The following AEBP2 variants were observed in gnomAD, a reference collection of about 807,000 sequenced individuals.
The protein encoded by AEBP2 is AE binding protein 2.
In AEBP2, 10 loss-of-function variants were observed where a neutral mutation model predicts 50.8. That is an observed-to-expected ratio of 0.20 (90% CI 0.12 to 0.33). AEBP2 has a LOEUF of 0.33. AEBP2 is among the 10% of genes least tolerant of loss of function. The pLI, the probability that AEBP2 is intolerant of heterozygous loss-of-function variation, is 1.00. For synonymous variants in AEBP2, 296 were observed against 261.3 expected (o/e 1.13, Z -1.28); for missense variants, 570 against 688.0 (o/e 0.83, Z 1.92).
At chr12:19,475,617 G>C (rs1000303645) in intron 3 of AEBP2, among the ~76,000 whole-genome samples, 13 of 152,124 alleles carry the variant, frequency 8.5e-5, no homozygotes, top group African/African-American at 3.1e-4. Flanking sequence ...AATCCCAGTA[G>C]TGGGATTGCA....
chr12:19,487,573 C>T (rs1948829161), intron 3 of AEBP2, among the ~76,000 whole-genome samples: 1 of 151,968 alleles, frequency 6.6e-6, no homozygotes, highest in South Asian at 2.1e-4. Flanking sequence ...CAAAAATTAG[C>T]CAAGTGTGGT....
chr12:19,431,026 A>G (rs985358595), intron 1 of AEBP2, among the ~76,000 whole-genome samples: 1 of 148,142 alleles, frequency 6.8e-6, no homozygotes, highest in Non-Finnish European at 1.5e-5. Flanking sequence ...AAAAAAAAAG[A>G]AAAAAATTAT....
At chr12:19,444,649 A>C (rs1407533668) in intron 1 of AEBP2, among the ~76,000 whole-genome samples, 1 of 152,176 alleles carries the variant, frequency 6.6e-6, no homozygotes, top group Non-Finnish European at 1.5e-5. Flanking sequence ...TATTACTCTG[A>C]AGTGTTGTTT....
chr12:19,490,542 A>G (rs1948881590), intron 3 of AEBP2, among the ~76,000 whole-genome samples: 1 of 151,230 alleles, frequency 6.6e-6, no homozygotes, highest in Admixed American at 6.6e-5. Context: ...ATGCCCGGCT[A>G]ATTTTTTTTT....
rs1198067957 is a variant in AEBP2 at position 19,457,360 on chromosome 12, C to T, written c.672-5150C>T. On this transcript the variant is annotated intron_variant, in intron 1 of 7. Transcript: ENST00000266508. ...TTTGATGAAGTCTCTGTGGTTAAGT[C>T]TCTGTGTCCTAGGGCATCAATGATA... The T allele has an allele frequency of 4.8e-6, 7 of 1,452,250 alleles. No homozygotes were observed. The East Asian group carries it at 9.1e-5, about 19-fold the overall frequency. The allele number at this position is 1,452,250 out of a possible 1,614,324, so 90.0% of individuals were successfully genotyped here.
chr12:19,457,380 A>G (rs1419833272), intron 1 of AEBP2: 20 of 1,440,046 alleles, frequency 1.4e-5, no homozygotes, highest in Middle Eastern at 4.2e-4. Context: ...TAGGGCATCA[A>G]TGATAGTCAC....
intron 1 of AEBP2, among the ~76,000 whole-genome samples, chr12:19,406,824 A>T (rs765105144): frequency 3.2e-4 from 49 of 152,198 alleles, no homozygotes; most frequent in African/African-American, 9.2e-4. Flanking sequence ...TGAGCTTTAT[A>T]GTTTTGCGTT....
intron 1 of AEBP2, among the ~76,000 whole-genome samples, chr12:19,452,961 C>CTTTTTTTTTTTTTTTTTTTTTTT (rs34876719): frequency 9.4e-6 from 1 of 106,900 alleles, no homozygotes; most frequent in Admixed American, 1.2e-4. Context: ...GACTTACGTT[C>CTTTTTTTTTTTTTTTTTTTTTTT]TTTTTTTTTT....
chr12:19,423,035 A>C (rs992470617), intron 1 of AEBP2, among the ~76,000 whole-genome samples: 2 of 118,892 alleles, frequency 1.7e-5, no homozygotes, highest in African/African-American at 6.3e-5. Flanking sequence ...ACTGCACTCC[A>C]GGCTGGGTGA....
At chr12:19,482,281 T>TCA (rs1948741816) in intron 3 of AEBP2, among the ~76,000 whole-genome samples, 10 of 152,128 alleles carry the variant, frequency 6.6e-5, no homozygotes, top group Admixed American at 6.5e-4. Context: ...CTCCGAGCTG[T>TCA]GGATACCAGC....
At chr12:19,497,745 G>A (rs1233509575) in intron 4 of AEBP2, among the ~76,000 whole-genome samples, 1 of 152,138 alleles carries the variant, frequency 6.6e-6, no homozygotes, top group Non-Finnish European at 1.5e-5. Flanking sequence ...AAAGTGCTGG[G>A]ATTACAGGCA....
intron 5 of AEBP2, chr12:19,509,246 C>A (rs1949198220): frequency 6.2e-6 from 2 of 323,858 alleles, no homozygotes; most frequent in Admixed American, 3.4e-5. Context: ...ACAGAGTCAG[C>A]TAAATTGAAA....
chr12:19,430,780 T>G (rs2095751024), intron 1 of AEBP2, among the ~76,000 whole-genome samples: 2 of 152,168 alleles, frequency 1.3e-5, no homozygotes, highest in Admixed American at 1.3e-4. Flanking sequence ...TCTCTGTCTG[T>G]GTGTTATTGG....
intron 1 of AEBP2, chr12:19,413,116 C>T (rs965758724): frequency 1.5e-4 from 103 of 676,526 alleles, no homozygotes; most frequent in African/African-American, 5.3e-5. Flanking sequence ...TCAGTTTTTC[C>T]GGAATTCATT....
intron 1 of AEBP2, among the ~76,000 whole-genome samples, chr12:19,447,025 C>T (rs1240650110): frequency 6.6e-6 from 1 of 152,254 alleles, no homozygotes; most frequent in African/African-American, 2.4e-5. Context: ...TTTAGGCTTG[C>T]GTAAATGATG....
chr12:19,440,302 G>A lies in AEBP2; in HGVS notation c.603G>A (p.Gly201=). ...GAGGCGGAAGCAGCGCGACCTCCGGGGGCCGGCGGGGCAGCTTGGAGATGT... is the reference window on the plus strand; with the variant it reads ...GAGGCGGAAGCAGCGCGACCTCCGGAGGCCGGCGGGGCAGCTTGGAGATGT... ...TGGGGSSATS[G]GRRGSLEMSS... is the part of the protein sequence containing the mutation. Residue 201 remains glycine, a synonymous_variant, in exon 1 of 8, where the codon GGG becomes GGA. Transcript: ENST00000266508. 6.8e-7 allele frequency: 1 copy of A among 1,467,374 alleles called. No homozygotes were observed. Among genetic ancestry groups the A allele is most frequent in the South Asian group, 1.4e-5 (1 of 71,282 alleles). The allele number at this position is 1,467,374 out of a possible 1,614,324, so 90.9% of individuals were successfully genotyped here. A position where few individuals can be genotyped will look rare whatever the true frequency, so the allele number is the denominator to read the frequency against.
chr12:19,490,137 T>G (rs1948875755), intron 3 of AEBP2, among the ~76,000 whole-genome samples: 1 of 151,486 alleles, frequency 6.6e-6, no homozygotes. Flanking sequence ...GCACTTGGAC[T>G]AAAATAAACT....
At chr12:19,500,003 T>C (rs1433951708) in intron 4 of AEBP2, 94 bp from the exon 5 acceptor site, 8 of 1,139,660 alleles carry the variant, frequency 7.0e-6, no homozygotes, top group Non-Finnish European at 1.0e-5. Context: ...TTAAATACTA[T>C]TGATAGATAT....
At chr12:19,458,659 A>G (rs1948316473) in intron 1 of AEBP2, among the ~76,000 whole-genome samples, 1 of 152,208 alleles carries the variant, frequency 6.6e-6, no homozygotes, top group Admixed American at 6.5e-5. Context: ...TACATGAAGT[A>G]CTATGTAGAC....
Sources: allele counts gnomAD v4.1 joint callset (sites outside exome capture counted in the v4.1 genomes callset), GRCh38; gene constraint gnomAD v4.1.1; transcripts MANE v1.5; gene names NCBI Gene and HGNC (gene_info 2026-07-23, HGNC 2026-07-21).